Variants in FTCD observed in about 807,000 individuals in gnomAD.
The protein encoded by FTCD is formimidoyltransferase cyclodeaminase, also known as formimidoyltransferase-cyclodeaminase.
In FTCD, 76 loss-of-function variants were observed where a neutral mutation model predicts 62.9. That is an observed-to-expected ratio of 1.21 (90% CI 1.00 to 1.46). The LOEUF is 1.46. FTCD is among the 40% of genes most tolerant of loss of function. The pLI is 0.00. For synonymous variants in FTCD, 397 were observed against 336.9 expected (o/e 1.18, Z -1.95); for missense variants, 845 against 751.3 (o/e 1.12, Z -1.46).
intron 3 of FTCD, 22 bp downstream of exon 3, chr21:46,152,885 G>A (rs2079327502): frequency 4.5e-6 from 7 of 1,561,502 alleles, no homozygotes; most frequent in Non-Finnish European, 5.2e-6. Context: ...GCAGAGTGAG[G>A]GGGGCGGGGG....
chr21:46,138,795 C>G, intron 11 of FTCD, 85 bp downstream of exon 11: 1 of 1,434,734 alleles, frequency 7.0e-7, no homozygotes, highest in South Asian at 1.1e-5. Flanking sequence ...AACCACGCCC[C>G]GTCACAGCAC....
rs77568434 is a variant in FTCD, at chr21:46,141,274, C to G, written c.1261-2351G>C. Among the ~76,000 whole-genome samples the G allele has an allele frequency of 6.9e-3, 1,053 of 151,854 alleles. 9 individuals carry two copies. The highest frequency in any genetic ancestry group is 0.024 in the African/African-American group (979 of 41,356). The stretch of plus-strand genomic sequence containing the variant: ...CTTAAGCCTCCTGAGTAGCTGGGAC[C>G]ACAGGTACCTGCTACCACGCCTGGC... On this transcript the variant is annotated intron_variant, in intron 10 of 13. Transcript: ENST00000397746.
chr21:46,137,974 G>A (rs1021131698), intron 12 of FTCD, among the ~76,000 whole-genome samples: 6 of 152,210 alleles, frequency 3.9e-5, no homozygotes, highest in African/African-American at 4.8e-5. Context: ...ACGGCTCACT[G>A]CAGCCTTGAC....
chr21:46,152,908 T>C lies in FTCD; in HGVS notation c.366A>G (p.Pro122=), dbSNP rs967899391. Residue 122 remains proline, a splice_region_variant and synonymous_variant, in exon 3 of 14, where the codon CCA becomes CCG. Coordinates refer to ENST00000397746, the MANE Select transcript of FTCD (RefSeq NM_206965.2). The stretch of plus-strand genomic sequence containing the variant: ...AGGGGGGCGGGGGGGCACGCTCACC[T>C]GGCACGTCCAGCTCCTCTGCCAGCC... ...GQRLAEELDV[P]VYLYGEAARM... 13 of 1,570,522 alleles carry C rather than the reference T, an allele frequency of 8.3e-6. No homozygotes were observed. In the African/African-American group the frequency reaches 1.1e-4, roughly 13 times the overall value.
At chr21:46,141,559 T>C (rs750927568) in intron 10 of FTCD, among the ~76,000 whole-genome samples, 4 of 152,090 alleles carry the variant, frequency 2.6e-5, no homozygotes, top group Non-Finnish European at 5.9e-5. Context: ...GGGAGGCCAT[T>C]TGAACTGTGA....
chr21:46,140,686 C>G (rs1295298712), intron 10 of FTCD, among the ~76,000 whole-genome samples: 1 of 150,742 alleles, frequency 6.6e-6, no homozygotes, highest in Non-Finnish European at 1.5e-5. Flanking sequence ...ACGTGGCTCA[C>G]AGGGAGTGTA....
At chr21:46,139,985 G>A (rs547673427) in intron 10 of FTCD, among the ~76,000 whole-genome samples, 3 of 152,228 alleles carry the variant, frequency 2.0e-5, no homozygotes, top group Non-Finnish European at 4.4e-5. Flanking sequence ...CGCCCGGTCC[G>A]TTTTGTTTTC....
chr21:46,145,438 G>A lies in FTCD; in HGVS notation c.1239C>T (p.Ala413=), dbSNP rs764413106. The part of the protein sequence containing the change: ...AKLTTLVDAD[A]EAFTAYLEAM... ...TCACCAGGTAGGCGGTGAAGGCCTC[G>A]GCGTCGGCATCCACCAGCGTGGTTA... is the stretch of plus-strand genomic sequence containing the variant. Residue 413 remains alanine (A), a synonymous_variant, in exon 10 of 14, where the codon GCC becomes GCT. Coordinates refer to ENST00000397746, the MANE Select transcript of FTCD (RefSeq NM_206965.2). 4.9e-5 allele frequency: 77 copies of A among 1,556,330 alleles called. No homozygotes were observed. Among genetic ancestry groups the A allele is most frequent in the Non-Finnish European group, 6.4e-5 (74 of 1,151,092 alleles).
In FTCD at chr21:46,152,951, G is replaced by A. The variant is rs2079330976; in HGVS notation, c.323C>T (p.Ala108Val). The stretch of plus-strand genomic sequence containing the variant: ...TGCCAGCCTCTGGCCAAAGGCCTGG[G>A]CGCAGAGCACACACTCATCCACGCT... Reference protein sequence around the residue: ...GVSVDECVLCAQAFGQRLAEE... With the variant: ...GVSVDECVLCVQAFGQRLAEE... Residue 108 changes from alanine (A) to valine (V), a missense_variant, in exon 3 of 14, where the codon GCC becomes GTC. Physicochemically the swap from Ala to Val is moderately conservative, Grantham distance 64 (BLOSUM62 0). Coordinates refer to ENST00000397746, the MANE Select transcript of FTCD (RefSeq NM_206965.2). 7 of 1,563,236 alleles carry A rather than the reference G, an allele frequency of 4.5e-6. No individual in the cohort carries two copies. The highest frequency in any genetic ancestry group is 1.9e-5 in the Admixed American group (1 of 52,346).
chr21:46,139,200 C>T lies in FTCD; in HGVS notation c.1261-277G>A, dbSNP rs2078940758. The T allele has an allele frequency of 7.4e-6, 4 of 542,688 alleles. No individual in the cohort carries two copies. In the East Asian group the frequency reaches 9.6e-5, roughly 13 times the overall value. 33.6% of individuals were successfully genotyped at this position (542,688 alleles called of 1,614,324 possible). A position where few individuals can be genotyped will look rare whatever the true frequency, so the allele number is the denominator to read the frequency against. On this transcript the variant is annotated intron_variant, in intron 10 of 13. Transcript: ENST00000397746. ...GGGCCCTTATTCTCAGCTAAAGAGC[C>T]TGAGGGCCCAGGAGGTCCCCTGAGC...
rs1237815775 is a variant in FTCD, at chr21:46,145,837, G to GCCA, written c.1076_1078dup (p.Val359dup). ...GCTCACCATGGCCGCAGCGGCCGCC[G>GCCA]CCACCGAGCCGCCCCCGGGGGCCGC... On this transcript the variant is annotated inframe_insertion, in exon 9 of 14. Transcript: ENST00000397746. The GCCA allele has an allele frequency of 1.1e-6, 1 of 873,798 alleles. No individual in the cohort carries two copies. Among genetic ancestry groups the GCCA allele is most frequent in the African/African-American group, 5.5e-5 (1 of 18,288 alleles). The allele number at this position is 873,798 out of a possible 1,614,324, so 54.1% of individuals were successfully genotyped here.
At chr21:46,147,487 T>TC (rs1379786571) in intron 7 of FTCD, among the ~76,000 whole-genome samples, 1 of 152,060 alleles carries the variant, frequency 6.6e-6, no homozygotes, top group Admixed American at 6.5e-5. Flanking sequence ...AACCCAGGTG[T>TC]CCAAGAATTA....
intron 7 of FTCD, 136 bp downstream of exon 7, chr21:46,149,983 T>C: frequency 2.3e-6 from 2 of 881,786 alleles, no homozygotes; most frequent in Non-Finnish European, 3.6e-6. Context: ...TGAAATCTCA[T>C]CTTCTGAACA....
At chr21:46,144,271 C>T (rs1471550002) in intron 10 of FTCD, among the ~76,000 whole-genome samples, 2 of 151,262 alleles carry the variant, frequency 1.3e-5, no homozygotes. Flanking sequence ...GCTGTCTTTT[C>T]TTCTCTTTGT....
chr21:46,151,824 C>A, intron 4 of FTCD, 68 bp downstream of exon 4: 1 of 1,568,172 alleles, frequency 6.4e-7, no homozygotes, highest in Non-Finnish European at 8.7e-7. Context: ...CCCGGCCCAG[C>A]CACCCCAGCC....
intron 10 of FTCD, among the ~76,000 whole-genome samples, chr21:46,141,740 A>C (rs1038742376): frequency 6.6e-6 from 1 of 152,178 alleles, no homozygotes; most frequent in African/African-American, 2.4e-5. Flanking sequence ...ACTAGAAGGC[A>C]GCGAAAGCCC....
chr21:46,145,530 G>A lies in FTCD; in HGVS notation c.1147C>T (p.Gln383Ter). ...ATCGTCGTGTCCAGGGACTGGAATT[G>A]GCGCCGCCCGTAGGTCATGAGGCCC... ...MVGLMTYGRR[Q>*]FQSLDTTMRR... Residue 383 changes from glutamine to a stop codon, truncating the protein, a stop_gained, in exon 10 of 14, where the codon CAA becomes TAA. Coordinates refer to ENST00000397746, the MANE Select transcript of FTCD (RefSeq NM_206965.2). LOFTEE classifies it high-confidence loss of function. 1.3e-6 allele frequency: 2 copies of A among 1,547,312 alleles called. No homozygotes were observed. Among genetic ancestry groups the A allele is most frequent in the Non-Finnish European group, 1.7e-6 (2 of 1,145,674 alleles).
At chr21:46,141,297 G>A (rs979495470) in intron 10 of FTCD, among the ~76,000 whole-genome samples, 9 of 142,708 alleles carry the variant, frequency 6.3e-5, no homozygotes, top group Non-Finnish European at 1.2e-4. Flanking sequence ...TACCACGCCT[G>A]GCTTTATTTT....
chr21:46,148,394 G>A (rs773880107), intron 7 of FTCD, among the ~76,000 whole-genome samples: 9 of 152,164 alleles, frequency 5.9e-5, no homozygotes, highest in Admixed American at 3.3e-4. Context: ...GGAGGCTGAC[G>A]TGAGTGGATT....
Sources: gnomAD v4.1 joint callset for allele counts (sites outside exome capture counted in the v4.1 genomes callset) on GRCh38, gnomAD v4.1.1 for gene constraint, MANE v1.5 for transcripts, NCBI Gene and HGNC (gene_info 2026-07-23, HGNC 2026-07-21) for gene names.